The following ATP1B3 variants were observed in gnomAD, a reference collection of about 807,000 sequenced individuals.
The protein encoded by ATP1B3 is ATPase Na+/K+ transporting subunit beta 3.
A neutral mutation model predicts 30.2 loss-of-function variants in ATP1B3; 10 were observed. The ratio of observed to expected loss-of-function variants is 0.33; its 90% CI spans 0.20 to 0.56. ATP1B3 has a LOEUF of 0.56. Among genes scored for constraint, ATP1B3 ranks in the 20% least tolerant of loss-of-function variants. The pLI is 0.90. For synonymous variants in ATP1B3, 113 were observed against 117.0 expected, an observed-to-expected ratio of 0.97 and a Z score of 0.22; for missense variants, 238 against 336.7, an observed-to-expected ratio of 0.71 and a Z score of 2.29.
At chr3:141,878,478 C>T (rs938895800) in intron 1 of ATP1B3, among the ~76,000 whole-genome samples, 1 of 152,156 alleles carries the variant, frequency 6.6e-6, no homozygotes, top group Non-Finnish European at 1.5e-5. Flanking sequence ...TGATAGGCTA[C>T]CTTCCTCCCT....
chr3:141,888,798 C>T (rs764458587), intron 1 of ATP1B3, among the ~76,000 whole-genome samples: 3 of 152,104 alleles, frequency 2.0e-5, no homozygotes, highest in Non-Finnish European at 2.9e-5. Flanking sequence ...AGTTCCCCTG[C>T]GCACGCTGTC....
At chr3:141,918,144 C>T (rs1188256995) in intron 5 of ATP1B3, 2 of 152,148 alleles carry the variant, frequency 1.3e-5, no homozygotes, top group African/African-American at 2.4e-5. Flanking sequence ...AACACTATAG[C>T]TACAAGATAC....
chr3:141,916,535 A>G (rs1339197435), intron 5 of ATP1B3: 1 of 1,287,046 alleles, frequency 7.8e-7, no homozygotes, highest in Non-Finnish European at 1.0e-6. Context: ...TTTTCTCTCC[A>G]TGCTGCAAAT....
intron 1 of ATP1B3, chr3:141,877,608 T>G (rs1245841497): frequency 6.6e-6 from 1 of 152,040 alleles, no homozygotes; most frequent in Non-Finnish European, 1.5e-5. Flanking sequence ...GTTTTCTTCC[T>G]TACAAATTTG....
chr3:141,904,543 A>T (rs1934228534), intron 2 of ATP1B3, among the ~76,000 whole-genome samples: 1 of 152,016 alleles, frequency 6.6e-6, no homozygotes, highest in Non-Finnish European at 1.5e-5. Flanking sequence ...TTAAATAATG[A>T]TACCTCATAG....
At chr3:141,897,038 G>A (rs1197654829) in intron 1 of ATP1B3, among the ~76,000 whole-genome samples, 1 of 152,030 alleles carries the variant, frequency 6.6e-6, no homozygotes, top group Non-Finnish European at 1.5e-5. Flanking sequence ...TCAGAACATG[G>A]CCCACTTTTC....
chr3:141,919,736 C>T lies in ATP1B3; in HGVS notation c.583-2241C>T, dbSNP rs900767116. Among the ~76,000 whole-genome samples the T allele has an allele frequency of 3.2e-4, 49 of 152,116 alleles. 1 individual carries two copies. The highest frequency in any genetic ancestry group is 9.6e-4 in the African/African-American group (40 of 41,516). ...GGCGGATCACCAGAGGTCAGGAATT[C>T]GAGACCAGCCTGGCTAACATGGTGA... On this transcript the variant is annotated intron_variant, in intron 5 of 6. Coordinates refer to ENST00000286371, the MANE Select transcript of ATP1B3 (RefSeq NM_001679.4).
Position 141,903,665 on chromosome 3 carries a change from C to G in ATP1B3, c.155C>G (p.Ala52Gly). The G allele has an allele frequency of 6.2e-7, 1 of 1,614,048 alleles. No homozygotes were observed. Among genetic ancestry groups the G allele is most frequent in the Non-Finnish European group, 8.5e-7 (1 of 1,179,960 alleles). Residue 52 changes from alanine to glycine, a missense_variant, in exon 2 of 7, where the codon GCA (alanine) becomes GGA (glycine). By Grantham distance (60) the Ala-to-Gly change is moderately conservative. Coordinates refer to ENST00000286371, the MANE Select transcript of ATP1B3 (RefSeq NM_001679.4). ...FYLVFYGFLA[A>G]LFSFTMWVML... ...CTAGTTTTTTATGGGTTCCTGGCTGCACTCTTCTCATTCACGATGTGGGTT... is the reference window on the plus strand; with the variant it reads ...CTAGTTTTTTATGGGTTCCTGGCTGGACTCTTCTCATTCACGATGTGGGTT...
intron 1 of ATP1B3, among the ~76,000 whole-genome samples, chr3:141,897,559 TG>T (rs1301241650): frequency 1.3e-5 from 2 of 152,354 alleles, no homozygotes; most frequent in African/African-American, 4.8e-5. Context: ...TTTCTTTTAC[TG>T]GTAGGTTAAT....
chr3:141,917,943 AT>A (rs1178495136), intron 5 of ATP1B3, among the ~76,000 whole-genome samples: 1 of 150,790 alleles, frequency 6.6e-6, no homozygotes, highest in African/African-American at 2.4e-5. Context: ...AATTTTTTGT[AT>A]TTTTTAGTAG....
chr3:141,886,206 G>GT (rs1321876003), intron 1 of ATP1B3, among the ~76,000 whole-genome samples: 3 of 151,908 alleles, frequency 2.0e-5, no homozygotes, highest in East Asian at 3.9e-4. Flanking sequence ...GTAACCCATC[G>GT]TTTCCCACCT....
At chr3:141,909,529 G>T (rs1335887937) in intron 3 of ATP1B3, among the ~76,000 whole-genome samples, 1 of 152,246 alleles carries the variant, frequency 6.6e-6, no homozygotes, top group African/African-American at 2.4e-5. Context: ...TGAGGGAAGA[G>T]CTGAAGGAGG....
intron 6 of ATP1B3, among the ~76,000 whole-genome samples, chr3:141,922,883 A>G (rs62283110): frequency 6.6e-6 from 1 of 152,214 alleles, no homozygotes; most frequent in Non-Finnish European, 1.5e-5. Flanking sequence ...GGAGACTGGC[A>G]TGAACCTGGG....
chr3:141,923,488 T>G (rs1934603482), intron 6 of ATP1B3, among the ~76,000 whole-genome samples: 1 of 152,224 alleles, frequency 6.6e-6, no homozygotes, highest in African/African-American at 2.4e-5. Context: ...CTTGGCCTTC[T>G]CAGCCTCCAT....
Position 141,876,784 on chromosome 3 carries a change from GCCGTCCGCGCGCA to G in ATP1B3, c.-16_-4del. On this transcript the variant is annotated 5_prime_UTR_variant, in exon 1 of 7. Coordinates refer to ENST00000286371, the MANE Select transcript of ATP1B3 (RefSeq NM_001679.4). ...CATCCCCGCGGCCGCAGCTCCTCTC[GCCGTCCGCGCGCA>G]CACCATGACGAAGAACGAGAAGAAG... 1 of 1,582,678 alleles carries G rather than the reference GCCGTCCGCGCGCA, an allele frequency of 6.3e-7. No homozygotes were observed. Among genetic ancestry groups the G allele is most frequent in the East Asian group, 2.4e-5 (1 of 42,032 alleles).
intron 1 of ATP1B3, among the ~76,000 whole-genome samples, chr3:141,878,273 C>T (rs1933645095): frequency 6.6e-6 from 1 of 152,204 alleles, no homozygotes; most frequent in Non-Finnish European, 1.5e-5. Context: ...TGCCTAACTG[C>T]ATGGTAATCA....
At position 141,907,407 on chromosome 3, in the gene ATP1B3, GT is replaced by G. The variant is rs1295293477; in HGVS notation, c.346+135del. On this transcript the variant is annotated intron_variant, in intron 3 of 6. Transcript: ENST00000286371. ...GGCCGAAGCGGGCAGATCACCTGAGGTTAGGAGCCAGGTCTTGGACCTGGCC... is the reference window on the plus strand; with the variant it reads ...GGCCGAAGCGGGCAGATCACCTGAGGTAGGAGCCAGGTCTTGGACCTGGCC... 37 of 569,912 alleles carry G rather than the reference GT, an allele frequency of 6.5e-5. 1 individual carries two copies. Among genetic ancestry groups the G allele is most frequent in the African/African-American group, 3.9e-5 (2 of 51,514 alleles). The allele number at this position is 569,912 out of a possible 1,614,324, so 35.3% of individuals were successfully genotyped here.
intron 1 of ATP1B3, among the ~76,000 whole-genome samples, chr3:141,879,811 CTTTTTTTTT>C (rs150389395): frequency 8.6e-5 from 5 of 57,942 alleles, no homozygotes; most frequent in African/African-American, 2.6e-4. Flanking sequence ...TTGGTAACAG[CTTTTTTTTT>C]TTTTTTTTTT....
chr3:141,897,566 T>A (rs949447183), intron 1 of ATP1B3, among the ~76,000 whole-genome samples: 1 of 152,210 alleles, frequency 6.6e-6, no homozygotes, highest in African/African-American at 2.4e-5. Flanking sequence ...TACTGGTAGG[T>A]TAATCTTAGG....
Sources: allele counts gnomAD v4.1 joint callset (sites outside exome capture counted in the v4.1 genomes callset), GRCh38; gene constraint gnomAD v4.1.1; transcripts MANE v1.5; gene names NCBI Gene and HGNC (gene_info 2026-07-23, HGNC 2026-07-21).